ATXN1: variants seen among roughly 807,000 people sequenced by gnomAD.
ATXN1 encodes the protein ataxin 1.
Under a neutral mutation model 56.4 loss-of-function variants are expected in ATXN1, and 8 were observed. That is an observed-to-expected ratio of 0.14 (90% confidence interval 0.08 to 0.26). The LOEUF is 0.26. ATXN1 is among the 10% of genes least tolerant of loss of function. The pLI is 1.00. For synonymous variants in ATXN1, 514 were observed against 494.6 expected (o/e 1.04, Z -0.52); for missense variants, 987 against 1,106.5 (o/e 0.89, Z 1.53).
At chr6:16,594,880 C>T (rs1217933404) in intron 3 of ATXN1, among the ~76,000 whole-genome samples, 1 of 152,176 alleles carries the variant, frequency 6.6e-6, no homozygotes, top group South Asian at 2.1e-4. Flanking sequence ...GCATAACAAA[C>T]GAGAGTTACT....
intron 5 of ATXN1, among the ~76,000 whole-genome samples, chr6:16,510,076 T>A (rs1272421648): frequency 2.0e-5 from 3 of 152,210 alleles, no homozygotes; most frequent in African/African-American, 7.2e-5. Flanking sequence ...CTGAAGCGTG[T>A]TTTTACTTTT....
intron 6 of ATXN1, among the ~76,000 whole-genome samples, chr6:16,413,557 GA>G (rs1758845109): frequency 2.0e-5 from 3 of 152,110 alleles, no homozygotes; most frequent in Admixed American, 2.0e-4. Context: ...TTAATGAATG[GA>G]TGAGTGAATG....
chr6:16,326,311 A>G lies in ATXN1; in HGVS notation c.1917+83T>C. 6.4e-7 allele frequency: 1 copy of G among 1,568,694 alleles called. No individual in the cohort carries two copies. The highest frequency in any genetic ancestry group is 8.6e-7 in the Non-Finnish European group (1 of 1,159,322). On this transcript the variant is annotated intron_variant, in intron 7 of 7. Coordinates refer to ENST00000436367, the MANE Select transcript of ATXN1 (RefSeq NM_001128164.2). This position sits in a 1 kb window ranked among gnomAD's most constrained non-coding sequence, Gnocchi z 6.6. ...ACCCGAGAACCCTTAATCCTGCCTC[A>G]TAGAAGCAATTCGTCTTGCCAGGAG...
At chr6:16,395,951 G>A (rs999667126) in intron 6 of ATXN1, among the ~76,000 whole-genome samples, 1 of 144,136 alleles carries the variant, frequency 6.9e-6, no homozygotes, top group Non-Finnish European at 1.5e-5. Context: ...GGAGTCGGAG[G>A]TTGCAGTGAG....
At chr6:16,315,388 C>G (rs888359099) in intron 7 of ATXN1, among the ~76,000 whole-genome samples, 1 of 152,118 alleles carries the variant, frequency 6.6e-6, no homozygotes, top group Non-Finnish European at 1.5e-5. Flanking sequence ...TTACTACCTC[C>G]ACCACCTTTG....
At chr6:16,444,262 C>T (rs532255337) in intron 6 of ATXN1, among the ~76,000 whole-genome samples, 2 of 152,240 alleles carry the variant, frequency 1.3e-5, no homozygotes, top group African/African-American at 4.8e-5. Context: ...TCTTTGGTCT[C>T]CAAATATCAT....
intron 2 of ATXN1, among the ~76,000 whole-genome samples, chr6:16,736,270 T>A (rs1760125861): frequency 1.3e-5 from 2 of 152,216 alleles, no homozygotes. Flanking sequence ...ATAAAGGAAC[T>A]GACAACTTTG....
At chr6:16,523,709 G>A (rs757427609) in intron 4 of ATXN1, among the ~76,000 whole-genome samples, 2 of 152,158 alleles carry the variant, frequency 1.3e-5, no homozygotes, top group Admixed American at 6.5e-5. Flanking sequence ...GCAGAGGGGC[G>A]CTGGAGGCCA....
rs149330723 is a variant in ATXN1, at chr6:16,689,047, C to CTGTGTGTGTG, written c.-614-31156_-614-31147dup. On this transcript the variant is annotated intron_variant, in intron 2 of 7. Coordinates refer to ENST00000436367, the MANE Select transcript of ATXN1 (RefSeq NM_001128164.2). ...ATATGCAGATGTGTATATGTGTACT[C>CTGTGTGTGTG]TGTGTGTGTGTATGTGTGTGTGTGT... is the stretch of plus-strand genomic sequence containing the variant. Among the ~76,000 whole-genome samples, 79 of 151,552 alleles carry CTGTGTGTGTG rather than the reference C, an allele frequency of 5.2e-4. 1 individual carries two copies. The highest frequency in any genetic ancestry group is 1.6e-3 in the African/African-American group (66 of 41,218).
At chr6:16,612,694 C>T (rs1163100166) in intron 3 of ATXN1, among the ~76,000 whole-genome samples, 1 of 151,758 alleles carries the variant, frequency 6.6e-6, no homozygotes, top group East Asian at 1.9e-4. Context: ...AGATTGAGAC[C>T]ATCCTGGCCA....
At chr6:16,337,667 T>C (rs1051253062) in intron 6 of ATXN1, among the ~76,000 whole-genome samples, 8 of 152,230 alleles carry the variant, frequency 5.3e-5, no homozygotes, top group African/African-American at 1.9e-4. Flanking sequence ...CTTTAAAGCG[T>C]AGTGCATTCC....
chr6:16,444,000 C>A (rs1011695203), intron 6 of ATXN1, among the ~76,000 whole-genome samples: 2 of 151,946 alleles, frequency 1.3e-5, no homozygotes, highest in African/African-American at 4.8e-5. Flanking sequence ...CCTGTAGTCC[C>A]AGCTACTCGG....
intron 4 of ATXN1, among the ~76,000 whole-genome samples, chr6:16,546,321 C>T (rs1391128443): frequency 2.0e-5 from 3 of 152,180 alleles, no homozygotes; most frequent in Admixed American, 2.0e-4. Flanking sequence ...ATTTTTTAAG[C>T]TCCCTCATTT....
chr6:16,717,066 C>T (rs1759655582), intron 2 of ATXN1, among the ~76,000 whole-genome samples: 1 of 152,230 alleles, frequency 6.6e-6, no homozygotes, highest in African/African-American at 2.4e-5. Flanking sequence ...CATGGACATA[C>T]AAAGCCAACT....
At chr6:16,752,918 A>T in intron 2 of ATXN1, 1 of 236,478 alleles carries the variant, frequency 4.2e-6, no homozygotes, top group South Asian at 4.8e-5. Flanking sequence ...GTAGCATAGC[A>T]TTCTTAATTG....
chr6:16,414,623 C>T (rs1299657236), intron 6 of ATXN1, among the ~76,000 whole-genome samples: 1 of 152,172 alleles, frequency 6.6e-6, no homozygotes, highest in East Asian at 1.9e-4. Flanking sequence ...GATTTAAAAA[C>T]ACACATGCAA....
At chr6:16,372,431 C>G (rs1028552611) in intron 6 of ATXN1, among the ~76,000 whole-genome samples, 5 of 152,174 alleles carry the variant, frequency 3.3e-5, no homozygotes, top group African/African-American at 1.2e-4. Flanking sequence ...CGAGTGAAAG[C>G]CCTCTAACAC....
At chr6:16,491,288 T>A (rs1182476785) in intron 5 of ATXN1, among the ~76,000 whole-genome samples, 20 of 134,712 alleles carry the variant, frequency 1.5e-4, no homozygotes, top group African/African-American at 1.4e-4. Flanking sequence ...TTTTTTTTTT[T>A]TTTTTTTTTT....
chr6:16,359,371 G>A (rs751494372), intron 6 of ATXN1, among the ~76,000 whole-genome samples: 2 of 152,244 alleles, frequency 1.3e-5, no homozygotes, highest in Non-Finnish European at 2.9e-5. Flanking sequence ...TAAAAGCCCT[G>A]GGCTTAGCCA....
Sources: gnomAD v4.1 joint callset for allele counts (sites outside exome capture counted in the v4.1 genomes callset) on GRCh38, gnomAD v4.1.1 for gene constraint, Gnocchi (gnomAD v3.1) non-coding constraint, MANE v1.5 for transcripts, NCBI Gene and HGNC (gene_info 2026-07-23, HGNC 2026-07-21) for gene names.